The following PTPRD variants were observed in gnomAD, a reference collection of about 807,000 sequenced individuals.
PTPRD encodes the protein receptor-type tyrosine-protein phosphatase delta.
In PTPRD, 34 loss-of-function variants were observed where a neutral mutation model predicts 214.5. The ratio of observed to expected loss-of-function variants is 0.16; its 90% CI spans 0.12 to 0.21. The LOEUF (loss-of-function observed/expected upper bound fraction) is 0.21, where lower values mean the gene tolerates loss of function less well. PTPRD is among the 10% of genes least tolerant of loss of function. The probability of loss-of-function intolerance (pLI) is 1.00; values close to 1 mark genes in which losing one functional copy is unlikely to be tolerated. For missense variants in PTPRD, 2,545 were observed against 2,398.7 expected (o/e 1.06, Z -1.27); for synonymous variants, 1,128 against 845.7 (o/e 1.33, Z -5.79).
At chr9:9,338,803 A>G (rs2045613552) in intron 9 of PTPRD, among the ~76,000 whole-genome samples, 1 of 152,066 alleles carries the variant, frequency 6.6e-6, no homozygotes. Context: ...TCAACCCATC[A>G]TCTACATTAG....
intron 14 of PTPRD, among the ~76,000 whole-genome samples, chr9:8,577,135 G>A (rs2092490996): frequency 6.6e-6 from 1 of 152,092 alleles, no homozygotes; most frequent in South Asian, 2.1e-4. Flanking sequence ...ACCATGACCT[G>A]TACTCCAGAA....
intron 7 of PTPRD, among the ~76,000 whole-genome samples, chr9:9,577,819 G>A (rs2089418734): frequency 6.6e-6 from 1 of 151,946 alleles, no homozygotes; most frequent in African/African-American, 2.4e-5. Flanking sequence ...GCTGAGGCGG[G>A]TGGATCACCT....
chr9:10,215,928 A>G (rs2099539116), intron 3 of PTPRD, among the ~76,000 whole-genome samples: 1 of 152,022 alleles, frequency 6.6e-6, no homozygotes, highest in Admixed American at 6.6e-5. Flanking sequence ...TAGACAACAT[A>G]TAAATCAGAG....
At chr9:8,343,352 T>G (rs574017663) in intron 39 of PTPRD, among the ~76,000 whole-genome samples, 4 of 152,100 alleles carry the variant, frequency 2.6e-5, no homozygotes, top group African/African-American at 9.6e-5. Context: ...CAATCCCAAG[T>G]ATAAACCCAC....
chr9:9,550,694 T>A (rs1233664289), intron 8 of PTPRD, among the ~76,000 whole-genome samples: 1 of 151,602 alleles, frequency 6.6e-6, no homozygotes, highest in Non-Finnish European at 1.5e-5. Flanking sequence ...CTTCCTGGGA[T>A]AAACTAGTTG....
At chr9:8,545,007 T>C (rs897471714) in intron 14 of PTPRD, among the ~76,000 whole-genome samples, 1 of 151,632 alleles carries the variant, frequency 6.6e-6, no homozygotes, top group Non-Finnish European at 1.5e-5. Flanking sequence ...CAAAACTTTC[T>C]GGGATATTCA....
chr9:8,858,895 G>A (rs1276319445), intron 11 of PTPRD, among the ~76,000 whole-genome samples: 2 of 151,866 alleles, frequency 1.3e-5, no homozygotes, highest in Non-Finnish European at 2.9e-5. Context: ...TCACTCCCCA[G>A]CATCCATCCA....
chr9:9,150,613 G>A (rs1186681944), intron 10 of PTPRD, among the ~76,000 whole-genome samples: 2 of 151,328 alleles, frequency 1.3e-5, no homozygotes, highest in Non-Finnish European at 2.9e-5. Flanking sequence ...TCAGCCTCTG[G>A]GATTACAGGT....
In PTPRD at chr9:9,024,177, G is replaced by A. The variant is rs1340184456; in HGVS notation, c.-142-5442C>T. The stretch of plus-strand genomic sequence containing the variant: ...TATATATTTTATAAGTTCATTAATA[G>A]TGCTATGTTCTCTTTTTTACTTACT... On this transcript the variant is annotated intron_variant, in intron 10 of 45. Transcript: ENST00000381196. Among the ~76,000 whole-genome samples the A allele has an allele frequency of 6.6e-5, 10 of 151,416 alleles. No individual in the cohort carries two copies. The Admixed American group carries it at 6.6e-4, about 10-fold the overall frequency.
intron 2 of PTPRD, among the ~76,000 whole-genome samples, chr9:10,428,771 G>T (rs952603028): frequency 6.6e-6 from 1 of 151,286 alleles, no homozygotes; most frequent in African/African-American, 2.4e-5. Flanking sequence ...ATGAGTGACT[G>T]TATTTGTGAG....
chr9:9,200,990 T>C (rs2099941502), intron 9 of PTPRD, among the ~76,000 whole-genome samples: 1 of 152,200 alleles, frequency 6.6e-6, no homozygotes, highest in Admixed American at 6.5e-5. Flanking sequence ...TTAAATTCTG[T>C]TCTAAACACC....
At chr9:9,305,354 A>C (rs1478092650) in intron 9 of PTPRD, among the ~76,000 whole-genome samples, 2 of 152,098 alleles carry the variant, frequency 1.3e-5, no homozygotes, top group Non-Finnish European at 2.9e-5. Context: ...AAGACAGTAA[A>C]ATTCAATCAA....
intron 10 of PTPRD, among the ~76,000 whole-genome samples, chr9:9,067,467 T>A (rs1421145418): frequency 6.6e-6 from 1 of 152,218 alleles, no homozygotes; most frequent in Non-Finnish European, 1.5e-5. Flanking sequence ...GTTTCTAAGG[T>A]ATGAGTATAT....
intron 12 of PTPRD, among the ~76,000 whole-genome samples, chr9:8,660,645 A>G (rs1031379237): frequency 2.6e-5 from 4 of 152,104 alleles, no homozygotes; most frequent in Non-Finnish European, 1.5e-5. Context: ...TGAAACCACA[A>G]ACTAAACTGG....
chr9:8,362,894 T>G (rs1324038925), intron 39 of PTPRD, among the ~76,000 whole-genome samples: 1 of 152,194 alleles, frequency 6.6e-6, no homozygotes, highest in Admixed American at 6.5e-5. Context: ...TCCTGAAAGC[T>G]AAGTATGTAG....
chr9:10,096,337 T>C (rs1230328139), intron 3 of PTPRD, among the ~76,000 whole-genome samples: 1 of 151,682 alleles, frequency 6.6e-6, no homozygotes, highest in Non-Finnish European at 1.5e-5. Context: ...TCACCCCTTT[T>C]ATCTAACTGG....
At chr9:9,140,637 G>C (rs559084331) in intron 10 of PTPRD, among the ~76,000 whole-genome samples, 1 of 152,302 alleles carries the variant, frequency 6.6e-6, no homozygotes, top group South Asian at 2.1e-4. Context: ...GGAGTGCAGA[G>C]GCGCGATCTC....
intron 2 of PTPRD, among the ~76,000 whole-genome samples, chr9:10,381,240 T>C (rs1156255516): frequency 6.6e-6 from 1 of 152,046 alleles, no homozygotes; most frequent in Non-Finnish European, 1.5e-5. Flanking sequence ...ATTTTATCTT[T>C]TCTTTAGTTG....
At chr9:9,932,013 G>A (rs1339923183) in intron 5 of PTPRD, among the ~76,000 whole-genome samples, 1 of 151,846 alleles carries the variant, frequency 6.6e-6, no homozygotes, top group East Asian at 1.9e-4. Flanking sequence ...TGCAGCTGAG[G>A]GTCCTGTCTG....
Sources: allele counts gnomAD v4.1 joint callset (sites outside exome capture counted in the v4.1 genomes callset), GRCh38; gene constraint gnomAD v4.1.1; transcripts MANE v1.5; gene names NCBI Gene and HGNC (gene_info 2026-07-23, HGNC 2026-07-21).